The following PPFIA2 variants were observed in gnomAD, a reference collection of about 807,000 sequenced individuals.
PPFIA2 encodes liprin-alpha-2.
PPFIA2 carries 46 observed loss-of-function variants against 175.5 expected under a neutral mutation model. That is an observed-to-expected ratio of 0.26 (90% confidence interval 0.21 to 0.34). The LOEUF is 0.34. PPFIA2 is among the 10% of genes least tolerant of loss of function. The probability of loss-of-function intolerance (pLI) is 1.00; values close to 1 mark genes in which losing one functional copy is unlikely to be tolerated. For synonymous variants in PPFIA2, 568 were observed against 511.4 expected (o/e 1.11, Z -1.49); for missense variants, 1,179 against 1,506.1 (o/e 0.78, Z 3.60).
chr12:81,455,115 C>T (rs1239777360), intron 5 of PPFIA2, among the ~76,000 whole-genome samples: 1 of 152,154 alleles, frequency 6.6e-6, no homozygotes, highest in Non-Finnish European at 1.5e-5. Context: ...ATGACCAGCA[C>T]ACAGATATTT....
chr12:81,326,394 T>C (rs578046627), intron 21 of PPFIA2, among the ~76,000 whole-genome samples: 1 of 152,274 alleles, frequency 6.6e-6, no homozygotes, highest in South Asian at 2.1e-4. Flanking sequence ...CTCCTGGAAA[T>C]TTGTTCTGCT....
At chr12:81,544,850 C>T (rs1482476710) in intron 4 of PPFIA2, among the ~76,000 whole-genome samples, 2 of 152,110 alleles carry the variant, frequency 1.3e-5, no homozygotes, top group East Asian at 3.9e-4. Flanking sequence ...ATTCAAAGTC[C>T]TGAGCTCAAA....
intron 8 of PPFIA2, among the ~76,000 whole-genome samples, chr12:81,403,164 C>T (rs1226577213): frequency 3.3e-5 from 5 of 151,986 alleles, no homozygotes; most frequent in African/African-American, 1.2e-4. Flanking sequence ...TTAGTTACAC[C>T]AACACAAGAA....
chr12:81,287,828 T>C (rs1051303429), intron 24 of PPFIA2, among the ~76,000 whole-genome samples: 1 of 151,752 alleles, frequency 6.6e-6, no homozygotes, highest in South Asian at 2.1e-4. Flanking sequence ...CATAAAGATA[T>C]GAGTACCTTG....
chr12:81,462,607 T>TACATATATATATATATATATAA (rs1566933960), intron 4 of PPFIA2, among the ~76,000 whole-genome samples: 1 of 113,216 alleles, frequency 8.8e-6, no homozygotes, highest in Non-Finnish European at 2.0e-5. Flanking sequence ...TATATATATA[T>TACATATATATATATATATATAA]AATATAGCGA....
chr12:81,726,242 C>T (rs189321472), intron 3 of PPFIA2, among the ~76,000 whole-genome samples: 1 of 151,314 alleles, frequency 6.6e-6, no homozygotes, highest in East Asian at 2.0e-4. Flanking sequence ...GAAGTCCCAT[C>T]CCTCTCTCAT....
intron 4 of PPFIA2, among the ~76,000 whole-genome samples, chr12:81,649,823 A>G (rs2066738366): frequency 6.6e-6 from 1 of 152,178 alleles, no homozygotes; most frequent in South Asian, 2.1e-4. Flanking sequence ...ATAAAATTCC[A>G]GAATTGTCAA....
intron 4 of PPFIA2, among the ~76,000 whole-genome samples, chr12:81,458,075 C>A (rs1226685760): frequency 2.0e-5 from 3 of 152,114 alleles, no homozygotes; most frequent in Non-Finnish European, 4.4e-5. Context: ...CAGTACACTG[C>A]TTAGATGGGT....
intron 7 of PPFIA2, among the ~76,000 whole-genome samples, chr12:81,439,182 T>C (rs1280510414): frequency 6.7e-6 from 1 of 149,692 alleles, no homozygotes; most frequent in Non-Finnish European, 1.5e-5. Flanking sequence ...TCTCTCTCTC[T>C]CTCTATATAT....
chr12:81,270,575 T>C (rs1053526688), intron 28 of PPFIA2: 4 of 152,220 alleles, frequency 2.6e-5, no homozygotes, highest in African/African-American at 9.6e-5. Flanking sequence ...GCGATGTTCC[T>C]ACCCGCCAAA....
intron 30 of PPFIA2, among the ~76,000 whole-genome samples, chr12:81,264,647 A>G (rs1426842711): frequency 6.6e-6 from 1 of 152,214 alleles, no homozygotes; most frequent in Non-Finnish European, 1.5e-5. Context: ...TAATTAAGGG[A>G]CATTTAAAGT....
chr12:81,309,101 T>C (rs944146383), intron 22 of PPFIA2, among the ~76,000 whole-genome samples: 7 of 152,194 alleles, frequency 4.6e-5, no homozygotes, highest in Non-Finnish European at 1.0e-4. Flanking sequence ...GCAGGAAATG[T>C]ACACAGACTT....
intron 5 of PPFIA2, among the ~76,000 whole-genome samples, chr12:81,455,658 T>A (rs557316907): frequency 6.6e-6 from 1 of 152,136 alleles, no homozygotes; most frequent in African/African-American, 2.4e-5. Flanking sequence ...TTGTACGGAT[T>A]CTGTCACCAA....
At chr12:81,588,136 G>T (rs113635818) in intron 4 of PPFIA2, among the ~76,000 whole-genome samples, 1,711 of 151,942 alleles carry the variant, frequency 0.011, 33 homozygotes, top group African/African-American at 0.039. Flanking sequence ...AAGAACAGGA[G>T]AATTTATCTT....
intron 3 of PPFIA2, among the ~76,000 whole-genome samples, chr12:81,693,927 TTAAAC>T (rs149002207): frequency 1.3e-5 from 2 of 152,230 alleles, no homozygotes; most frequent in East Asian, 3.9e-4. Context: ...CTGTGGAAGT[TTAAAC>T]TAAAGAGTGA....
At chr12:81,411,520 A>G (rs968690583) in intron 7 of PPFIA2, among the ~76,000 whole-genome samples, 2 of 152,174 alleles carry the variant, frequency 1.3e-5, no homozygotes, top group East Asian at 1.9e-4. Context: ...CTCTGACCCT[A>G]CACAATAGAC....
intron 4 of PPFIA2, among the ~76,000 whole-genome samples, chr12:81,627,386 A>G (rs553476874): frequency 2.0e-5 from 3 of 152,240 alleles, no homozygotes; most frequent in East Asian, 3.9e-4. Flanking sequence ...TTATAACAAA[A>G]TATCTCATGT....
chr12:81,288,646 A>G (rs1045564279), intron 24 of PPFIA2, among the ~76,000 whole-genome samples: 1 of 151,826 alleles, frequency 6.6e-6, no homozygotes, highest in African/African-American at 2.4e-5. Flanking sequence ...TACCTAGTTA[A>G]AGTAACTTTT....
At chr12:81,374,079 A>G (rs1393800200) in intron 11 of PPFIA2, among the ~76,000 whole-genome samples, 1 of 152,066 alleles carries the variant, frequency 6.6e-6, no homozygotes, top group Non-Finnish European at 1.5e-5. Flanking sequence ...TACTGGCCAT[A>G]TTATACAGAA....
Sources: gnomAD v4.1 joint callset for allele counts (sites outside exome capture counted in the v4.1 genomes callset) on GRCh38, gnomAD v4.1.1 for gene constraint, MANE v1.5 for transcripts, NCBI Gene and HGNC (gene_info 2026-07-23, HGNC 2026-07-21) for gene names.